ACSF3: variants seen among roughly 807,000 people sequenced by gnomAD.
ACSF3 encodes malonate--CoA ligase ACSF3, mitochondrial.
Under a neutral mutation model 53.2 loss-of-function variants are expected in ACSF3, and 78 were observed. The ratio of observed to expected loss-of-function variants is 1.47; its 90% CI spans 1.22 to 1.77. ACSF3 has a LOEUF of 1.77. Among genes scored for constraint, ACSF3 ranks in the 40% most tolerant of loss-of-function variants. ACSF3 has a pLI of 0.00. For missense variants in ACSF3, 937 were observed against 771.1 expected (o/e 1.22, Z -2.55); for synonymous variants, 414 against 333.1 (o/e 1.24, Z -2.65).
At chr16:89,097,673 G>C (rs11076763) in intron 1 of ACSF3, among the ~76,000 whole-genome samples, 110,383 of 152,122 alleles carry the variant, frequency 0.73, 40,619 homozygotes, top group Admixed American at 0.79. Flanking sequence ...TGTGTCTGGT[G>C]AAGCCCAGTT....
chr16:89,102,310 T>A, intron 3 of ACSF3: 1 of 462,056 alleles, frequency 2.2e-6, no homozygotes, highest in Non-Finnish European at 4.0e-6. Flanking sequence ...GGGGCGGAGC[T>A]CTGTCGACCT....
Position 89,101,086 on chromosome 16 carries a change from G to C in ACSF3, c.405G>C (p.Glu135Asp), listed in dbSNP as rs755923777. 1.2e-6 allele frequency: 2 copies of C among 1,614,134 alleles called. No individual in the cohort carries two copies. The highest frequency in any genetic ancestry group is 8.5e-7 in the Non-Finnish European group (1 of 1,180,032). Residue 135 changes from glutamate (E) to aspartate (D), a missense_variant, in exon 3 of 11, where the codon GAG becomes GAC. Coordinates refer to ENST00000614302, the MANE Select transcript of ACSF3 (RefSeq NM_001243279.3). ...LYRKHPAAQL[E>D]YVICDSQSSV... ...GGAAGCATCCCGCGGCCCAGCTGGA[G>C]TATGTCATCTGCGACTCCCAGAGCT...
chr16:89,154,852 G>A lies in ACSF3; in HGVS notation c.*645G>A, dbSNP rs192866240. ...CAGCATGTGTCACAGAAAGTGCGTG[G>A]ACGGATGGCCCCGGAGCTGCTCTGC... On this transcript the variant is annotated 3_prime_UTR_variant, in exon 11 of 11. Transcript: ENST00000614302. 2 of 454,104 alleles carry A rather than the reference G, an allele frequency of 4.4e-6. No homozygotes were observed. The allele number at this position is 454,104 out of a possible 1,614,324, so 28.1% of individuals were successfully genotyped here.
intron 7 of ACSF3, among the ~76,000 whole-genome samples, chr16:89,128,208 T>A (rs1421605105): frequency 1.3e-5 from 2 of 151,302 alleles, no homozygotes; most frequent in African/African-American, 4.8e-5. Flanking sequence ...CCTTAAGCAT[T>A]GCTTTAGCTG....
intron 8 of ACSF3, chr16:89,136,834 C>G (rs1910591395): frequency 3.1e-6 from 4 of 1,284,400 alleles, no homozygotes; most frequent in Non-Finnish European, 4.1e-6. Context: ...TTTCAGGTAA[C>G]TCCTCTGACG....
chr16:89,144,783 G>A (rs1009932890), intron 8 of ACSF3, among the ~76,000 whole-genome samples: 2 of 152,352 alleles, frequency 1.3e-5, no homozygotes, highest in East Asian at 3.9e-4. Context: ...CTGAGGGAGG[G>A]TAAAGCATCA....
chr16:89,120,424 G>A (rs562115216), intron 6 of ACSF3, among the ~76,000 whole-genome samples: 1 of 152,362 alleles, frequency 6.6e-6, no homozygotes, highest in South Asian at 2.1e-4. Flanking sequence ...TGGCCAGCAA[G>A]TGTGTAAAAG....
At chr16:89,131,667 C>T (rs1169435977) in intron 7 of ACSF3, among the ~76,000 whole-genome samples, 1 of 152,200 alleles carries the variant, frequency 6.6e-6, no homozygotes, top group Non-Finnish European at 1.5e-5. Flanking sequence ...ACCCTCCTTC[C>T]CTGGGATTGG....
At position 89,155,830 on chromosome 16, in the gene ACSF3, T is replaced by C. The variant is rs1305491925; in HGVS notation, c.*1623T>C. ...ATTCCTAAAAAGCTTACATAATCAT[T>C]TGCTTTATCCGATAGTATACATCAG... On this transcript the variant is annotated 3_prime_UTR_variant, in exon 11 of 11. Transcript: ENST00000614302. 1 of 452,776 alleles carries C rather than the reference T, an allele frequency of 2.2e-6. No homozygotes were observed. Among genetic ancestry groups the C allele is most frequent in the African/African-American group, 2.0e-5 (1 of 49,850 alleles). The allele number at this position is 452,776 out of a possible 1,614,324, so 28.0% of individuals were successfully genotyped here.
At chr16:89,123,709 CAG>C (rs1907222911) in intron 7 of ACSF3, among the ~76,000 whole-genome samples, 1 of 152,198 alleles carries the variant, frequency 6.6e-6, no homozygotes, top group African/African-American at 2.4e-5. Context: ...TGTCAGGAAA[CAG>C]AAAGTACCTG....
chr16:89,143,732 C>T (rs1031688279), intron 8 of ACSF3, among the ~76,000 whole-genome samples: 8 of 152,082 alleles, frequency 5.3e-5, no homozygotes, highest in South Asian at 4.2e-4. Context: ...ACTCTCCTGT[C>T]GGGGAGCCTC....
chr16:89,100,868 C>A lies in ACSF3; in HGVS notation c.187C>A (p.His63Asn), dbSNP rs1241120235. The A allele has an allele frequency of 6.2e-7, 1 of 1,613,522 alleles. No homozygotes were observed. Among genetic ancestry groups the A allele is most frequent in the African/African-American group, 1.3e-5 (1 of 74,954 alleles). ...FGDRIALVDQHGRHTYRELYS... is the reference protein window; with the variant it reads ...FGDRIALVDQNGRHTYRELYS... Reference sequence around the variant, plus strand: ...GGACAGAATCGCCCTGGTTGACCAGCACGGCCGCCACACGTACAGGGAGCT... The same window carrying A: ...GGACAGAATCGCCCTGGTTGACCAGAACGGCCGCCACACGTACAGGGAGCT... Residue 63 changes from histidine to asparagine, a missense_variant, in exon 3 of 11, where the codon CAC (histidine) becomes AAC (asparagine). Coordinates refer to ENST00000614302, the MANE Select transcript of ACSF3 (RefSeq NM_001243279.3).
At chr16:89,114,692 C>A (rs556746972) in intron 6 of ACSF3, 11 of 728,386 alleles carry the variant, frequency 1.5e-5, no homozygotes, top group Non-Finnish European at 2.3e-5. Context: ...AAGTCTCAGT[C>A]GGGTGGATGG....
chr16:89,105,254 G>A (rs966379197), intron 4 of ACSF3, among the ~76,000 whole-genome samples: 6 of 152,180 alleles, frequency 3.9e-5, no homozygotes, highest in Admixed American at 1.3e-4. Flanking sequence ...CCTCATCTGC[G>A]TGGTCCATCC....
rs764733554 is a variant in ACSF3, at chr16:89,155,415, T to C, written c.*1208T>C. On this transcript the variant is annotated 3_prime_UTR_variant, in exon 11 of 11. Transcript: ENST00000614302. ...CACATGCCTCGCGGACAGTTGGACG[T>C]GGCCTGGGGCCCCTGCTCACTTGAG... 3 of 454,020 alleles carry C rather than the reference T, an allele frequency of 6.6e-6. No individual in the cohort carries two copies. Among genetic ancestry groups the C allele is most frequent in the South Asian group, 4.7e-5 (3 of 64,476 alleles). The allele number at this position is 454,020 out of a possible 1,614,324, so 28.1% of individuals were successfully genotyped here. A position where few individuals can be genotyped will look rare whatever the true frequency, so the allele number is the denominator to read the frequency against.
rs2151445145 is a variant in ACSF3 at position 89,112,218 on chromosome 16, T to C, written c.949T>C (p.Leu317=). ...TACCCAGCCGCACGCCCAGGATTTC[T>C]TGCGTGCAGTTTGTGAAGAAAAAAT... ...HFTQPHAQDF[L]RAVCEEKIRL... The change falls in exon 5 of 11, where the codon TTG becomes CTG. Residue 317 remains leucine, a synonymous_variant. Transcript: ENST00000614302. The C allele has an allele frequency of 6.2e-7, 1 of 1,614,236 alleles. No homozygotes were observed. Among genetic ancestry groups the C allele is most frequent in the East Asian group, 2.2e-5 (1 of 44,886 alleles).
At chr16:89,103,276 T>G (rs1453527154) in intron 4 of ACSF3, among the ~76,000 whole-genome samples, 1 of 152,208 alleles carries the variant, frequency 6.6e-6, no homozygotes, top group Admixed American at 6.5e-5. Context: ...CGCGCTTGGT[T>G]TAAAATAATG....
At chr16:89,113,097 G>A (rs1204491072) in intron 5 of ACSF3, 1 of 152,278 alleles carries the variant, frequency 6.6e-6, no homozygotes, top group Non-Finnish European at 1.5e-5. Flanking sequence ...AAACGCACAC[G>A]TGTGGCTCAG....
chr16:89,096,730 C>T (rs901006438), intron 1 of ACSF3, among the ~76,000 whole-genome samples: 1 of 152,210 alleles, frequency 6.6e-6, no homozygotes, highest in African/African-American at 2.4e-5. Flanking sequence ...CCAGGACTCC[C>T]CCCTTCCCTC....
Sources: gnomAD v4.1 joint callset for allele counts (sites outside exome capture counted in the v4.1 genomes callset) on GRCh38, gnomAD v4.1.1 for gene constraint, MANE v1.5 for transcripts, NCBI Gene and HGNC (gene_info 2026-07-23, HGNC 2026-07-21) for gene names.